NELL1: variants seen among roughly 807,000 people sequenced by gnomAD.
NELL1 encodes the protein neural EGFL like 1, also known as protein kinase C-binding protein NELL1.
In NELL1, 76 loss-of-function variants were observed where a neutral mutation model predicts 107.4. The observed-to-expected ratio is 0.71, with a 90% CI of 0.59 to 0.86. The LOEUF (loss-of-function observed/expected upper bound fraction) is 0.86. Among genes scored for constraint, NELL1 ranks in the 40% least tolerant of loss-of-function variants. The probability of loss-of-function intolerance (pLI) is 0.00; values close to 1 mark genes in which losing one functional copy is unlikely to be tolerated. For synonymous variants in NELL1, 353 were observed against 341.2 expected (o/e 1.03, Z -0.38); for missense variants, 1,024 against 1,005.5 (o/e 1.02, Z -0.25).
At chr11:20,877,216 G>T (rs548514914) in intron 4 of NELL1, among the ~76,000 whole-genome samples, 1 of 152,288 alleles carries the variant, frequency 6.6e-6, no homozygotes, top group South Asian at 2.1e-4. Context: ...AACTAAGGAA[G>T]GTCATTCCAA....
At chr11:21,481,553 A>G (rs1030842344) in intron 15 of NELL1, among the ~76,000 whole-genome samples, 4 of 152,238 alleles carry the variant, frequency 2.6e-5, no homozygotes, top group Admixed American at 6.5e-5. Context: ...TAAGAGCACA[A>G]GTAAATGAAA....
intron 16 of NELL1, among the ~76,000 whole-genome samples, chr11:21,557,669 G>C (rs537470054): frequency 1.3e-5 from 2 of 152,018 alleles, no homozygotes; most frequent in South Asian, 4.1e-4. Context: ...CTAATTTGCT[G>C]TATTTTTTCT....
At chr11:21,432,694 G>A (rs1453556435) in intron 15 of NELL1, among the ~76,000 whole-genome samples, 2 of 152,056 alleles carry the variant, frequency 1.3e-5, no homozygotes, top group African/African-American at 2.4e-5. Flanking sequence ...ATTTTATGAG[G>A]AAGGGATAAA....
chr11:21,129,955 TG>T (rs1855577135), intron 13 of NELL1, among the ~76,000 whole-genome samples: 1 of 152,156 alleles, frequency 6.6e-6, no homozygotes, highest in Admixed American at 6.5e-5. Flanking sequence ...ACTAAAACAT[TG>T]GGGAAAAAAT....
At chr11:21,276,822 C>T (rs542684996) in intron 14 of NELL1, among the ~76,000 whole-genome samples, 27 of 152,250 alleles carry the variant, frequency 1.8e-4, no homozygotes, top group South Asian at 6.2e-4. Context: ...TAATCAATGG[C>T]GCTGGGGAAA....
At chr11:20,880,790 T>C (rs553115029) in intron 4 of NELL1, among the ~76,000 whole-genome samples, 1 of 152,348 alleles carries the variant, frequency 6.6e-6, no homozygotes, top group African/African-American at 2.4e-5. Context: ...TGTCATCCTT[T>C]AGGGATTCAA....
intron 7 of NELL1, 104 bp downstream of exon 7, chr11:20,919,438 C>G (rs1011995078): frequency 1.5e-6 from 1 of 650,654 alleles, no homozygotes; most frequent in Non-Finnish European, 2.7e-6. Flanking sequence ...TCGGCATCTG[C>G]TATATGTTAC....
At chr11:20,968,586 C>T (rs1003161326) in intron 12 of NELL1, among the ~76,000 whole-genome samples, 1 of 152,134 alleles carries the variant, frequency 6.6e-6, no homozygotes, top group Non-Finnish European at 1.5e-5. Context: ...CTACGGAATG[C>T]CTTTCCTTCA....
chr11:21,141,737 TTTTATTTATTTA>T (rs201651937), intron 13 of NELL1, among the ~76,000 whole-genome samples: 552 of 147,646 alleles, frequency 3.7e-3, no homozygotes, highest in Non-Finnish European at 6.2e-3. Flanking sequence ...CCTCTATCCT[TTTTATTTATTTA>T]TTTATTTATT....
At chr11:21,079,795 A>AG (rs1854223409) in intron 12 of NELL1, among the ~76,000 whole-genome samples, 1 of 152,092 alleles carries the variant, frequency 6.6e-6, no homozygotes, top group African/African-American at 2.4e-5. Flanking sequence ...AGCACTGCCT[A>AG]GAACAGAAGG....
Position 21,074,387 on chromosome 11 carries a change from CA to C in NELL1, c.1301-39201del, listed in dbSNP as rs148416994. Reference sequence around the variant, plus strand: ...TGGTATTTGTTAAATTTAATTAAAACATTTTTTTAACAGTAACTCAGATCTA... The same window carrying C: ...TGGTATTTGTTAAATTTAATTAAAACTTTTTTTAACAGTAACTCAGATCTA... On this transcript the variant is annotated intron_variant, in intron 12 of 19. Coordinates refer to ENST00000357134, the MANE Select transcript of NELL1 (RefSeq NM_006157.5). Among the ~76,000 whole-genome samples the C allele has an allele frequency of 9.5e-3, 1,448 of 152,218 alleles. 18 individuals are homozygous for C. Among genetic ancestry groups the C allele is most frequent in the African/African-American group, 0.033 (1,374 of 41,554 alleles).
At chr11:21,110,508 C>T (rs1156688892) in intron 12 of NELL1, among the ~76,000 whole-genome samples, 1 of 152,120 alleles carries the variant, frequency 6.6e-6, no homozygotes, top group South Asian at 2.1e-4. Context: ...TCCTTCAAAT[C>T]TAGATGAGGC....
chr11:21,378,461 C>T (rs565493173), intron 15 of NELL1, among the ~76,000 whole-genome samples: 1 of 151,890 alleles, frequency 6.6e-6, no homozygotes, highest in Admixed American at 6.6e-5. Context: ...CCATCATGTG[C>T]TATGAGAGGC....
intron 15 of NELL1, among the ~76,000 whole-genome samples, chr11:21,379,742 G>A (rs1185363677): frequency 3.9e-5 from 6 of 151,976 alleles, no homozygotes; most frequent in Non-Finnish European, 7.4e-5. Context: ...TGTGCCCCGC[G>A]GACTTGCAGG....
intron 15 of NELL1, among the ~76,000 whole-genome samples, chr11:21,467,692 G>A (rs1253553395): frequency 6.6e-6 from 1 of 151,954 alleles, no homozygotes; most frequent in Non-Finnish European, 1.5e-5. Context: ...TCAAGATTAT[G>A]TATATAGGAA....
At chr11:21,136,265 C>G (rs1361959440) in intron 13 of NELL1, among the ~76,000 whole-genome samples, 3 of 151,732 alleles carry the variant, frequency 2.0e-5, no homozygotes, top group Admixed American at 6.6e-5. Flanking sequence ...GAGGAAAAGA[C>G]AGAAGGCAGC....
At chr11:21,090,736 T>A (rs995934755) in intron 12 of NELL1, among the ~76,000 whole-genome samples, 6 of 152,186 alleles carry the variant, frequency 3.9e-5, no homozygotes, top group African/African-American at 1.4e-4. Context: ...ATTCTTTCTG[T>A]TAGGTGAGAT....
At chr11:21,002,248 G>T (rs1177742512) in intron 12 of NELL1, among the ~76,000 whole-genome samples, 1 of 92,088 alleles carries the variant, frequency 1.1e-5, no homozygotes, top group Non-Finnish European at 2.0e-5. Context: ...GCCATAAAAG[G>T]CTTTAGACTA....
At chr11:21,457,142 T>C (rs968678726) in intron 15 of NELL1, among the ~76,000 whole-genome samples, 1 of 152,168 alleles carries the variant, frequency 6.6e-6, no homozygotes, top group African/African-American at 2.4e-5. Context: ...GCAGAAAGAA[T>C]GGCCAGTTCT....
Sources: gnomAD v4.1 joint callset for allele counts (sites outside exome capture counted in the v4.1 genomes callset) on GRCh38, gnomAD v4.1.1 for gene constraint, MANE v1.5 for transcripts, NCBI Gene and HGNC (gene_info 2026-07-23, HGNC 2026-07-21) for gene names.